Variants in PPP4R3A observed in about 807,000 individuals in gnomAD.
The protein encoded by PPP4R3A is serine/threonine-protein phosphatase 4 regulatory subunit 3A.
In PPP4R3A, 15 loss-of-function variants were observed where a neutral mutation model predicts 91.7. The observed-to-expected ratio is 0.16, with a 90% CI of 0.11 to 0.25. PPP4R3A has a LOEUF of 0.25. PPP4R3A is among the 10% of genes least tolerant of loss of function. The pLI is 1.00. For missense variants in PPP4R3A, 623 were observed against 998.4 expected (o/e 0.62, Z 5.07); for synonymous variants, 377 against 348.7 (o/e 1.08, Z -0.91).
At chr14:91,477,103 A>T in intron 4 of PPP4R3A, 117 bp from the exon 5 acceptor site, 1 of 623,038 alleles carries the variant, frequency 1.6e-6, no homozygotes, top group Non-Finnish European at 2.4e-6. Context: ...GGTATTGGCA[A>T]TGCTGTCTTT....
chr14:91,482,389 A>G lies in PPP4R3A; in HGVS notation c.298-196T>C, dbSNP rs138240329. ...TTTTAAGGAAGTTAGTCAAAGTTCA[A>G]AAACAGAATGAGCTTCCCTATAAAG... On this transcript the variant is annotated intron_variant, in intron 3 of 14. Coordinates refer to ENST00000554943, the MANE Select transcript of PPP4R3A (RefSeq NM_001366432.2). Among the ~76,000 whole-genome samples, 136 of 152,328 alleles carry G rather than the reference A, an allele frequency of 8.9e-4. 2 individuals carry two copies. The East Asian group carries it at 0.019, about 22-fold the overall frequency.
intron 1 of PPP4R3A, among the ~76,000 whole-genome samples, chr14:91,501,211 A>G (rs1011227514): frequency 2.6e-5 from 4 of 152,174 alleles, no homozygotes; most frequent in African/African-American, 9.7e-5. Flanking sequence ...CTCAGGTAGC[A>G]GGGAAGTAAT....
chr14:91,499,454 CTGA>C (rs922509137), intron 1 of PPP4R3A, among the ~76,000 whole-genome samples: 1 of 151,858 alleles, frequency 6.6e-6, no homozygotes, highest in Non-Finnish European at 1.5e-5. Flanking sequence ...CCCAAATATA[CTGA>C]TAATAGAGGT....
At chr14:91,468,099 C>T (rs1888588677) in intron 10 of PPP4R3A, among the ~76,000 whole-genome samples, 1 of 152,104 alleles carries the variant, frequency 6.6e-6, no homozygotes, top group Admixed American at 6.5e-5. Context: ...ATATCCTCAA[C>T]CCTGGGAAGA....
At chr14:91,480,057 C>G (rs994146636) in intron 4 of PPP4R3A, among the ~76,000 whole-genome samples, 1 of 152,136 alleles carries the variant, frequency 6.6e-6, no homozygotes, top group African/African-American at 2.4e-5. Flanking sequence ...GAGACTTTGA[C>G]TCAGGTTTTG....
At chr14:91,464,004 C>G (rs1013032125) in intron 11 of PPP4R3A, among the ~76,000 whole-genome samples, 2 of 152,102 alleles carry the variant, frequency 1.3e-5, no homozygotes, top group Admixed American at 6.6e-5. Context: ...CAAGAGAGAA[C>G]ACACAACAGC....
intron 2 of PPP4R3A, 72 bp downstream of exon 2, chr14:91,490,675 G>A (rs747662553): frequency 1.9e-5 from 23 of 1,209,798 alleles, no homozygotes; most frequent in Non-Finnish European, 2.7e-5. Context: ...TTCACTATAA[G>A]CAATCAGATA....
chr14:91,461,686 C>T, intron 13 of PPP4R3A, 79 bp from the exon 14 acceptor site: 2 of 1,370,714 alleles, frequency 1.5e-6, no homozygotes, highest in South Asian at 2.6e-5. Flanking sequence ...CACTAAAACA[C>T]ATTTAACTAG....
Position 91,462,716 on chromosome 14 carries a change from T to C in PPP4R3A, c.1973+19A>G. 1 of 1,613,312 alleles carries C rather than the reference T, an allele frequency of 6.2e-7. No individual in the cohort carries two copies. Among genetic ancestry groups the C allele is most frequent in the Non-Finnish European group, 8.5e-7 (1 of 1,179,520 alleles). On this transcript the variant is annotated intron_variant, in intron 12 of 14. Coordinates refer to ENST00000554943, the MANE Select transcript of PPP4R3A (RefSeq NM_001366432.2). ...CGACTTGATGCTGAACGAATAGGTT[T>C]AAATATATGGTAATTTACCTGTCAA...
intron 9 of PPP4R3A, among the ~76,000 whole-genome samples, chr14:91,472,065 CAAAAAAAAA>C (rs549919322): frequency 2.8e-5 from 2 of 70,284 alleles, no homozygotes; most frequent in South Asian, 5.3e-4. Flanking sequence ...ATTCTGTCTC[CAAAAAAAAA>C]AAAAAAAAAA....
At chr14:91,468,419 C>A (rs532512941) in intron 10 of PPP4R3A, among the ~76,000 whole-genome samples, 4 of 152,094 alleles carry the variant, frequency 2.6e-5, no homozygotes, top group Non-Finnish European at 4.4e-5. Flanking sequence ...ACGCCTGAAT[C>A]CCAGCACTTT....
chr14:91,463,865 T>C (rs1888312666), intron 11 of PPP4R3A, among the ~76,000 whole-genome samples: 1 of 152,182 alleles, frequency 6.6e-6, no homozygotes, highest in South Asian at 2.1e-4. Flanking sequence ...ACCCAGGTAG[T>C]AAGCACAGTA....
intron 10 of PPP4R3A, among the ~76,000 whole-genome samples, chr14:91,466,798 T>C (rs544393189): frequency 3.5e-4 from 53 of 152,300 alleles, no homozygotes; most frequent in African/African-American, 1.3e-3. Flanking sequence ...GCATTTCCAT[T>C]TGTTAGGAAT....
At chr14:91,469,541 CAATGTTGCTTT>C (rs1401766291) in intron 10 of PPP4R3A, among the ~76,000 whole-genome samples, 1 of 152,120 alleles carries the variant, frequency 6.6e-6, no homozygotes, top group Non-Finnish European at 1.5e-5. Context: ...TAAAAGAAAG[CAATGTTGCTTT>C]TATAAAATAT....
At chr14:91,486,597 A>C (rs556179708) in intron 2 of PPP4R3A, among the ~76,000 whole-genome samples, 1 of 152,178 alleles carries the variant, frequency 6.6e-6, no homozygotes, top group East Asian at 1.9e-4. Context: ...TAGTACCAAG[A>C]GCATATATTC....
intron 2 of PPP4R3A, among the ~76,000 whole-genome samples, chr14:91,489,055 C>T (rs919473714): frequency 6.6e-6 from 1 of 152,064 alleles, no homozygotes; most frequent in South Asian, 2.1e-4. Flanking sequence ...CTGCAGGTAC[C>T]CGCCACCACG....
Position 91,478,434 on chromosome 14 carries a change from T to G in PPP4R3A, c.916-1448A>C, listed in dbSNP as rs139321178. Among the ~76,000 whole-genome samples, 300 of 152,382 alleles carry G rather than the reference T, an allele frequency of 2.0e-3. 1 individual carries two copies. The highest frequency in any genetic ancestry group is 6.9e-3 in the African/African-American group (289 of 41,594). On this transcript the variant is annotated intron_variant, in intron 4 of 14. Transcript: ENST00000554943. ...AAGTGGGCAGGAACCTGCATTAAAC[T>G]GTACCTCAATCACTTCTTGCCAAAA...
chr14:91,500,031 A>G (rs997984896), intron 1 of PPP4R3A, among the ~76,000 whole-genome samples: 1 of 152,148 alleles, frequency 6.6e-6, no homozygotes, highest in Non-Finnish European at 1.5e-5. Flanking sequence ...AACTCAGCAA[A>G]TATTTTTAAA....
At chr14:91,500,064 T>C (rs1890843589) in intron 1 of PPP4R3A, among the ~76,000 whole-genome samples, 1 of 152,144 alleles carries the variant, frequency 6.6e-6, no homozygotes, top group Admixed American at 6.5e-5. Flanking sequence ...GCATAAAAAT[T>C]ATAGATTTCT....
Sources: gnomAD v4.1 joint callset for allele counts (sites outside exome capture counted in the v4.1 genomes callset) on GRCh38, gnomAD v4.1.1 for gene constraint, MANE v1.5 for transcripts, NCBI Gene and HGNC (gene_info 2026-07-23, HGNC 2026-07-21) for gene names.